The following ADAM15 variants were observed in gnomAD, a reference collection of about 807,000 sequenced individuals.
The protein encoded by ADAM15 is disintegrin and metalloproteinase domain-containing protein 15.
Under a neutral mutation model 113.8 loss-of-function variants are expected in ADAM15, and 77 were observed. The observed-to-expected ratio is 0.68, with a 90% confidence interval of 0.56 to 0.82. The LOEUF (loss-of-function observed/expected upper bound fraction) is 0.82. Among genes scored for constraint, ADAM15 ranks in the 40% least tolerant of loss-of-function variants. The pLI is 0.00. For missense variants in ADAM15, 963 were observed against 1,120.1 expected (o/e 0.86, Z 2.00); for synonymous variants, 388 against 454.1 (o/e 0.85, Z 1.85).
In ADAM15 at chr1:155,058,671, T is replaced by C. The variant is rs775826158; in HGVS notation, c.1918-39T>C. 1 of 1,600,366 alleles carries C rather than the reference T, an allele frequency of 6.2e-7. No homozygotes were observed. Among genetic ancestry groups the C allele is most frequent in the Non-Finnish European group, 8.5e-7 (1 of 1,173,544 alleles). On this transcript the variant is annotated intron_variant, in intron 15 of 22. Coordinates refer to ENST00000356955, the MANE Select transcript of ADAM15 (RefSeq NM_207197.3). The surrounding 1 kb of genome is among the most constrained non-coding windows in gnomAD (Gnocchi z 4.3). ...TGGCCTCCCAGTCCCATTAAAGCTT[T>C]GTGGGAATCTGATCCAGGCTCTTCT... is the stretch of plus-strand genomic sequence containing the variant.
chr1:155,060,657 C>A, intron 18 of ADAM15, 106 bp from the exon 19 acceptor site: 2 of 1,285,988 alleles, frequency 1.6e-6, no homozygotes, highest in South Asian at 2.4e-5. Flanking sequence ...TTACCTAAAC[C>A]ACACATAAGT....
At chr1:155,061,334 G>T in intron 19 of ADAM15, 81 bp from the exon 20 acceptor site, 2 of 1,083,568 alleles carry the variant, frequency 1.8e-6, no homozygotes, top group South Asian at 1.4e-5. Context: ...GCCCCCCCTG[G>T]GCACTGACCC....
chr1:155,060,292 C>T lies in ADAM15; in HGVS notation c.2156C>T (p.Ala719Val), dbSNP rs770996230. The change falls in exon 18 of 23, where the codon GCC becomes GTC. Residue 719 changes from alanine to valine, a missense_variant. Transcript: ENST00000356955. ...CTTGGTGCCAGCTACTGGTACCGTGCCCGCCTGCACCAGCGACTCTGCCAG... is the reference window on the plus strand; with the variant it reads ...CTTGGTGCCAGCTACTGGTACCGTGTCCGCCTGCACCAGCGACTCTGCCAG... Reference protein sequence around the residue: ...VMLGASYWYRARLHQRLCQLK... With the variant: ...VMLGASYWYRVRLHQRLCQLK... 1 of 1,614,102 alleles carries T rather than the reference C, an allele frequency of 6.2e-7. No individual in the cohort carries two copies. Among genetic ancestry groups the T allele is most frequent in the South Asian group, 1.1e-5 (1 of 91,074 alleles).
At chr1:155,053,668 A>G (rs1390435772) in intron 3 of ADAM15, among the ~76,000 whole-genome samples, 175 bp downstream of exon 3, 2 of 152,208 alleles carry the variant, frequency 1.3e-5, no homozygotes, top group Non-Finnish European at 2.9e-5. Flanking sequence ...AGGCACAGAG[A>G]GATTAAATAA....
In ADAM15 at chr1:155,057,737, GAGACT is replaced by G; in HGVS notation, c.1416+14_1416+18del. On this transcript the variant is annotated intron_variant, in intron 13 of 22. Transcript: ENST00000356955. This position sits in a 1 kb window ranked among gnomAD's most constrained non-coding sequence, Gnocchi z 5.0. ...TGTTGTCAAAATTGCCAGGTGGGTAGAGACTAGACTGGCCACCCGGAGCTCACCTG... is the reference window on the plus strand; with the variant it reads ...TGTTGTCAAAATTGCCAGGTGGGTAGAGACTGGCCACCCGGAGCTCACCTG... 1 of 1,614,216 alleles carries G rather than the reference GAGACT, an allele frequency of 6.2e-7. No homozygotes were observed. Among genetic ancestry groups the G allele is most frequent in the Non-Finnish European group, 8.5e-7 (1 of 1,180,034 alleles).
chr1:155,062,534 G>T lies in ADAM15; in HGVS notation c.*32G>T, dbSNP rs1392396304. On this transcript the variant is annotated 3_prime_UTR_variant, in exon 23 of 23. Coordinates refer to ENST00000356955, the MANE Select transcript of ADAM15 (RefSeq NM_207197.3). This position sits in a 1 kb window ranked among gnomAD's most constrained non-coding sequence, Gnocchi z 7.0. ...CGGAGGTTCCGCTGCCTCCAAGCCGGACTTAGGGCTTCAAGAGGCGGGCGT... is the reference window on the plus strand; with the variant it reads ...CGGAGGTTCCGCTGCCTCCAAGCCGTACTTAGGGCTTCAAGAGGCGGGCGT... The T allele has an allele frequency of 1.2e-5, 19 of 1,610,396 alleles. No homozygotes were observed. In the East Asian group the frequency reaches 4.0e-4, roughly 34 times the overall value.
At position 155,062,014 on chromosome 1, in the gene ADAM15, C is replaced by G. The variant is rs375006248; in HGVS notation, c.2424+39C>G. ...GAGAGAAGGGCACGGCCTCTCCCCCCACCTAGGGCTGTGGTGCTGGTAGCC... is the reference window on the plus strand; with the variant it reads ...GAGAGAAGGGCACGGCCTCTCCCCCGACCTAGGGCTGTGGTGCTGGTAGCC... On this transcript the variant is annotated intron_variant, in intron 21 of 22. Coordinates refer to ENST00000356955, the MANE Select transcript of ADAM15 (RefSeq NM_207197.3). This position sits in a 1 kb window ranked among gnomAD's most constrained non-coding sequence, Gnocchi z 7.0. 2.2e-5 allele frequency: 33 copies of G among 1,506,402 alleles called. No individual in the cohort carries two copies. The highest frequency in any genetic ancestry group is 2.8e-5 in the African/African-American group (2 of 71,102). 93.3% of individuals were successfully genotyped at this position (1,506,402 alleles called of 1,614,324 possible). A position where few individuals can be genotyped will look rare whatever the true frequency, so the allele number is the denominator to read the frequency against.
chr1:155,053,115 C>G (rs938253430), intron 2 of ADAM15, among the ~76,000 whole-genome samples: 3 of 132,098 alleles, frequency 2.3e-5, no homozygotes, highest in Admixed American at 7.3e-5. Context: ...AAACCCCCCC[C>G]CCCCCACCCC....
Position 155,057,599 on chromosome 1 carries a change from C to T in ADAM15, c.1324-38C>T. On this transcript the variant is annotated intron_variant, in intron 12 of 22. Transcript: ENST00000356955. The surrounding 1 kb of genome is among the most constrained non-coding windows in gnomAD (Gnocchi z 5.0). ...ATTGGAGGGAGGCTCACAGGCCCCA[C>T]CTGCTCTGATGCCCGGCCCCCGTGC... is the stretch of plus-strand genomic sequence containing the variant. The T allele has an allele frequency of 6.2e-7, 1 of 1,608,656 alleles. No individual in the cohort carries two copies. The highest frequency in any genetic ancestry group is 8.5e-7 in the Non-Finnish European group (1 of 1,175,274).
chr1:155,054,491 G>A lies in ADAM15; in HGVS notation c.597G>A (p.Gln199=). The change falls in exon 6 of 23, where the codon CAG becomes CAA. Residue 199 remains glutamine, a synonymous_variant. Coordinates refer to ENST00000356955, the MANE Select transcript of ADAM15 (RefSeq NM_207197.3). ...AGCCACCAGAGCACCCCCTGGGACA[G>A]CGCCACATTCGCCGGGTGAGGATGA... ...TQKPPEHPLG[Q]RHIRRRRDVV... 1 of 1,575,504 alleles carries A rather than the reference G, an allele frequency of 6.3e-7. No homozygotes were observed. Among genetic ancestry groups the A allele is most frequent in the Admixed American group, 1.9e-5 (1 of 53,754 alleles).
At position 155,062,183 on chromosome 1, in the gene ADAM15, G is replaced by A. The variant is rs1662737200; in HGVS notation, c.2425-62G>A. The A allele has an allele frequency of 1.4e-6, 2 of 1,446,032 alleles. No individual in the cohort carries two copies. The highest frequency in any genetic ancestry group is 1.5e-5 in the South Asian group (1 of 68,370). 89.6% of individuals were successfully genotyped at this position (1,446,032 alleles called of 1,614,324 possible). ...AGCTGGTGTTCCCCAGCACCAGTGC[G>A]TTGGGGGTGGGCAACATGACACCCC... On this transcript the variant is annotated intron_variant, in intron 21 of 22. Coordinates refer to ENST00000356955, the MANE Select transcript of ADAM15 (RefSeq NM_207197.3). This position sits in a 1 kb window ranked among gnomAD's most constrained non-coding sequence, Gnocchi z 7.0.
rs1446314227 is a variant in ADAM15 at position 155,062,346 on chromosome 1, C to G, written c.2526C>G (p.Ile842Met). ...SGDLPGPGAG[I>M]PPLVVPSRPA... ...ACCTGCCCGGCCCAGGGGCTGGAAT[C>G]CCGCCCCTAGTGGTACCCTCCAGGT... The change falls in exon 22 of 23, where the codon ATC (isoleucine) becomes ATG (methionine). Residue 842 changes from isoleucine to methionine, a missense_variant. Coordinates refer to ENST00000356955, the MANE Select transcript of ADAM15 (RefSeq NM_207197.3). The surrounding 1 kb of genome is among the most constrained non-coding windows in gnomAD (Gnocchi z 7.0). The G allele has an allele frequency of 6.4e-7, 1 of 1,571,082 alleles. No individual in the cohort carries two copies. The highest frequency in any genetic ancestry group is 8.6e-7 in the Non-Finnish European group (1 of 1,157,262).
At chr1:155,052,905 C>A in intron 2 of ADAM15, 128 bp downstream of exon 2, 1 of 1,261,854 alleles carries the variant, frequency 7.9e-7, no homozygotes, top group Non-Finnish European at 1.1e-6. Flanking sequence ...CTATCCCAGG[C>A]CCAGCTGCCT....
At chr1:155,054,652 A>G in intron 6 of ADAM15, 146 bp downstream of exon 6, 1 of 794,660 alleles carries the variant, frequency 1.3e-6, no homozygotes. Flanking sequence ...TAGCTCGTGT[A>G]CTCCTCCCAT....
intron 17 of ADAM15, 63 bp from the exon 18 acceptor site, chr1:155,060,142 T>G: frequency 6.3e-7 from 1 of 1,599,512 alleles, no homozygotes; most frequent in South Asian, 1.1e-5. Context: ...CCCTGCCCCC[T>G]GCGCCTTCAT....
chr1:155,054,407 T>A lies in ADAM15; in HGVS notation c.513T>A (p.Asp171Glu). Residue 171 changes from aspartate to glutamate, a missense_variant, in exon 6 of 23, where the codon GAT (aspartate) becomes GAA (glutamate). By Grantham distance (45) the Asp-to-Glu change is conservative. Transcript: ENST00000356955. ...CTCCCATTATTTCGCGAATCCAAGA[T>A]CTCCACCTGCCAGGCCACACCTGTG... is the stretch of plus-strand genomic sequence containing the variant. ...QGPPIISRIQ[D>E]LHLPGHTCAL... 6.2e-7 allele frequency: 1 copy of A among 1,613,818 alleles called. No homozygotes were observed. Among genetic ancestry groups the A allele is most frequent in the South Asian group, 1.1e-5 (1 of 91,054 alleles).
chr1:155,056,745 G>C lies in ADAM15; in HGVS notation c.1000-208G>C, dbSNP rs992566831. ...AGAACAGAGGTGATCTCCCTCCAGT[G>C]AGGGAGGGGGACAGAGCTGAGCTAG... On this transcript the variant is annotated intron_variant, in intron 10 of 22. Coordinates refer to ENST00000356955, the MANE Select transcript of ADAM15 (RefSeq NM_207197.3). The surrounding 1 kb of genome is among the most constrained non-coding windows in gnomAD (Gnocchi z 4.0). Among the ~76,000 whole-genome samples, 70 of 152,188 alleles carry C rather than the reference G, an allele frequency of 4.6e-4. No individual in the cohort carries two copies. Among genetic ancestry groups the C allele is most frequent in the African/African-American group, 1.7e-3 (69 of 41,454 alleles).
At position 155,056,594 on chromosome 1, in the gene ADAM15, G is replaced by A; in HGVS notation, c.999+124G>A. On this transcript the variant is annotated intron_variant, in intron 10 of 22. Coordinates refer to ENST00000356955, the MANE Select transcript of ADAM15 (RefSeq NM_207197.3). The surrounding 1 kb of genome is among the most constrained non-coding windows in gnomAD (Gnocchi z 4.0). Reference sequence around the variant, plus strand: ...CAAAGCTACAGGTATAGAGGGTGGAGGTACGTGATGTGGCCTTTGCTATCA... The same window carrying A: ...CAAAGCTACAGGTATAGAGGGTGGAAGTACGTGATGTGGCCTTTGCTATCA... 3.2e-6 allele frequency: 3 copies of A among 926,386 alleles called. No individual in the cohort carries two copies. In the South Asian group the frequency reaches 4.7e-5, roughly 15 times the overall value. The allele number at this position is 926,386 out of a possible 1,614,324, so 57.4% of individuals were successfully genotyped here.
Position 155,052,762 on chromosome 1 carries a change from C to T in ADAM15, c.171C>T (p.Leu57=). 6.2e-7 allele frequency: 1 copy of T among 1,611,554 alleles called. No homozygotes were observed. Among genetic ancestry groups the T allele is most frequent in the Non-Finnish European group, 8.5e-7 (1 of 1,179,132 alleles). Reference sequence around the variant, plus strand: ...TTCAGGACGATCTCCCAATTAGCCTCAAAAAGGTGCTTCAGGTGAGCTCTC... The same window carrying T: ...TTCAGGACGATCTCCCAATTAGCCTTAAAAAGGTGCTTCAGGTGAGCTCTC... ...QVLQDDLPIS[L]KKVLQTSLPE... The change falls in exon 2 of 23, where the codon CTC becomes CTT. Residue 57 remains leucine (L), a synonymous_variant. Coordinates refer to ENST00000356955, the MANE Select transcript of ADAM15 (RefSeq NM_207197.3).
Sources: gnomAD v4.1 joint callset for allele counts (sites outside exome capture counted in the v4.1 genomes callset) on GRCh38, gnomAD v4.1.1 for gene constraint, Gnocchi (gnomAD v3.1) non-coding constraint, MANE v1.5 for transcripts, NCBI Gene and HGNC (gene_info 2026-07-23, HGNC 2026-07-21) for gene names.